Variants in GSK3B observed in about 807,000 individuals in gnomAD.
The protein encoded by GSK3B is glycogen synthase kinase-3 beta.
In GSK3B, 15 loss-of-function variants were observed where a neutral mutation model predicts 56.4. The observed-to-expected ratio is 0.27, with a 90% confidence interval of 0.18 to 0.41. GSK3B has a LOEUF of 0.41. GSK3B is among the 10% of genes least tolerant of loss of function. GSK3B has a pLI of 1.00. For missense variants in GSK3B, 300 were observed against 513.4 expected (o/e 0.58, Z 4.02); for synonymous variants, 181 against 188.9 (o/e 0.96, Z 0.34).
At chr3:120,037,538 C>T (rs902387595) in intron 1 of GSK3B, among the ~76,000 whole-genome samples, 1 of 151,964 alleles carries the variant, frequency 6.6e-6, no homozygotes, top group South Asian at 2.1e-4. Context: ...TGTAATACGT[C>T]ATATGCAAAG....
At chr3:119,951,079 T>C (rs1340334007) in intron 2 of GSK3B, among the ~76,000 whole-genome samples, 2 of 151,924 alleles carry the variant, frequency 1.3e-5, no homozygotes, top group South Asian at 2.1e-4. Flanking sequence ...CACCCAGAAA[T>C]GTAATAAGGG....
chr3:119,896,629 TA>T (rs1453554145), intron 7 of GSK3B, among the ~76,000 whole-genome samples: 1 of 152,204 alleles, frequency 6.6e-6, no homozygotes, highest in African/African-American at 2.4e-5. Flanking sequence ...TGCCCCTTTC[TA>T]CAAGATTGCT....
chr3:119,996,285 G>GA (rs1395848309), intron 2 of GSK3B, among the ~76,000 whole-genome samples: 2 of 151,958 alleles, frequency 1.3e-5, no homozygotes, highest in African/African-American at 4.8e-5. Context: ...ATCAAAACAT[G>GA]AAAAAAGGAC....
At chr3:119,938,720 GA>G (rs2057019215) in intron 3 of GSK3B, among the ~76,000 whole-genome samples, 1 of 151,988 alleles carries the variant, frequency 6.6e-6, no homozygotes, top group Non-Finnish European at 1.5e-5. Context: ...GTAAAATTAA[GA>G]AAATAATTCC....
intron 7 of GSK3B, among the ~76,000 whole-genome samples, chr3:119,880,907 A>T (rs1426272086): frequency 1.3e-5 from 2 of 152,168 alleles, no homozygotes; most frequent in Admixed American, 1.3e-4. Context: ...AACAAACAAC[A>T]GCGGCAATGA....
At chr3:120,029,510 T>C (rs1454264036) in intron 1 of GSK3B, 2 of 638,574 alleles carry the variant, frequency 3.1e-6, no homozygotes, top group Admixed American at 1.9e-5. Flanking sequence ...GTGTCAGTTA[T>C]GTGTGTAAAG....
chr3:120,069,119 A>AG (rs1364318650), intron 1 of GSK3B, among the ~76,000 whole-genome samples: 1 of 152,210 alleles, frequency 6.6e-6, no homozygotes, highest in Non-Finnish European at 1.5e-5. Flanking sequence ...CAAAGTAGTG[A>AG]GGGGCTGTCT....
At chr3:119,857,736 C>G (rs192196714) in intron 9 of GSK3B, among the ~76,000 whole-genome samples, 3 of 152,262 alleles carry the variant, frequency 2.0e-5, no homozygotes, top group Non-Finnish European at 4.4e-5. Flanking sequence ...TGAATCCTTT[C>G]CAGAAGGTTT....
intron 1 of GSK3B, among the ~76,000 whole-genome samples, chr3:120,043,218 G>C (rs2058077468): frequency 6.6e-6 from 1 of 152,058 alleles, no homozygotes; most frequent in East Asian, 1.9e-4. Flanking sequence ...AGCAAAAAAA[G>C]GATGGACCCA....
chr3:119,856,806 T>G (rs1259052614), intron 9 of GSK3B, among the ~76,000 whole-genome samples: 11 of 152,172 alleles, frequency 7.2e-5, no homozygotes, highest in African/African-American at 1.9e-4. Context: ...CTATGTAAAT[T>G]TATCATGGCT....
intron 1 of GSK3B, among the ~76,000 whole-genome samples, chr3:120,036,696 G>T (rs2058025747): frequency 6.7e-6 from 1 of 150,308 alleles, no homozygotes; most frequent in South Asian, 2.1e-4. Flanking sequence ...AGGAGGCTGA[G>T]GCAAGAGAAT....
chr3:119,959,530 T>A (rs1177205745), intron 2 of GSK3B, among the ~76,000 whole-genome samples: 1 of 120,156 alleles, frequency 8.3e-6, no homozygotes, highest in East Asian at 2.2e-4. Context: ...TTTTTTTTTT[T>A]TAAAGACAGA....
At chr3:119,890,309 G>C (rs1450307066) in intron 7 of GSK3B, among the ~76,000 whole-genome samples, 1 of 151,976 alleles carries the variant, frequency 6.6e-6, no homozygotes, top group African/African-American at 2.4e-5. Context: ...AGCATAAAAA[G>C]GAATAAACAG....
intron 7 of GSK3B, among the ~76,000 whole-genome samples, chr3:119,877,258 T>C (rs1384875294): frequency 6.6e-6 from 1 of 152,136 alleles, no homozygotes; most frequent in African/African-American, 2.4e-5. Context: ...AGCCAAAGAT[T>C]ATACAGCTGT....
chr3:119,924,696 C>T (rs916833736), intron 3 of GSK3B, among the ~76,000 whole-genome samples: 2 of 152,190 alleles, frequency 1.3e-5, no homozygotes, highest in South Asian at 2.1e-4. Context: ...TTAAATTCCA[C>T]GGTCCATCAT....
chr3:119,950,217 T>A (rs1463040986), intron 2 of GSK3B, among the ~76,000 whole-genome samples: 1 of 152,212 alleles, frequency 6.6e-6, no homozygotes, highest in Non-Finnish European at 1.5e-5. Context: ...ATGCATTAAG[T>A]GAAGCAAGTA....
intron 7 of GSK3B, among the ~76,000 whole-genome samples, chr3:119,900,295 T>C (rs925102771): frequency 3.9e-5 from 6 of 152,138 alleles, no homozygotes; most frequent in African/African-American, 1.4e-4. Flanking sequence ...AATTCTGTCC[T>C]AAAACTCTTC....
At chr3:119,839,299 C>T (rs547066037) in intron 10 of GSK3B, among the ~76,000 whole-genome samples, 11 of 152,252 alleles carry the variant, frequency 7.2e-5, no homozygotes, top group African/African-American at 2.6e-4. Flanking sequence ...TGACTAAAAT[C>T]CAAAGCTTAT....
chr3:119,828,868 G>A (rs2055558269), intron 10 of GSK3B, among the ~76,000 whole-genome samples: 1 of 152,180 alleles, frequency 6.6e-6, no homozygotes, highest in South Asian at 2.1e-4. Context: ...AATAGCTAAA[G>A]CTGCTTCTAA....
Sources: allele counts gnomAD v4.1 joint callset (sites outside exome capture counted in the v4.1 genomes callset), GRCh38; gene constraint gnomAD v4.1.1; transcripts MANE v1.5; gene names NCBI Gene and HGNC (gene_info 2026-07-23, HGNC 2026-07-21).